Variants in PPP1R12B observed in about 807,000 individuals in gnomAD.
PPP1R12B encodes myosin phosphatase target subunit 2.
Under a neutral mutation model 126.1 loss-of-function variants are expected in PPP1R12B, and 76 were observed. That is an observed-to-expected ratio of 0.60 (90% confidence interval 0.50 to 0.73). The LOEUF is 0.73. Ranked by LOEUF, PPP1R12B falls within the 30% of genes least tolerant of loss-of-function variation. The pLI is 0.00. For synonymous variants in PPP1R12B, 356 were observed against 434.7 expected (o/e 0.82, Z 2.25); for missense variants, 1,052 against 1,205.1 (o/e 0.87, Z 1.88).
intron 1 of PPP1R12B, among the ~76,000 whole-genome samples, chr1:202,371,585 A>T (rs1660266741): frequency 1.3e-5 from 2 of 151,844 alleles, no homozygotes; most frequent in Admixed American, 6.6e-5. Flanking sequence ...TCTGGATATA[A>T]GTCCTTGGTC....
chr1:202,567,259 C>G (rs1358334414), intron 21 of PPP1R12B, among the ~76,000 whole-genome samples: 7 of 152,030 alleles, frequency 4.6e-5, no homozygotes, highest in African/African-American at 1.7e-4. Flanking sequence ...AACTGCTGCT[C>G]TAAAAGAAAA....
chr1:202,383,431 A>G (rs1404390622), intron 1 of PPP1R12B, among the ~76,000 whole-genome samples: 3 of 152,162 alleles, frequency 2.0e-5, no homozygotes, highest in Non-Finnish European at 2.9e-5. Flanking sequence ...GCTTTTTAAA[A>G]TTTCCCATAT....
At chr1:202,550,037 T>G (rs1459112515) in intron 18 of PPP1R12B, among the ~76,000 whole-genome samples, 1 of 152,220 alleles carries the variant, frequency 6.6e-6, no homozygotes, top group African/African-American at 2.4e-5. Context: ...TTCCTGTTTA[T>G]TGCAATTTGC....
chr1:202,510,364 C>G (rs961006174), intron 18 of PPP1R12B, among the ~76,000 whole-genome samples: 1 of 152,114 alleles, frequency 6.6e-6, no homozygotes, highest in Non-Finnish European at 1.5e-5. Flanking sequence ...CCTTGAGATT[C>G]TGGATAAGGA....
At chr1:202,482,808 A>G (rs955586900) in intron 13 of PPP1R12B, among the ~76,000 whole-genome samples, 1 of 152,202 alleles carries the variant, frequency 6.6e-6, no homozygotes, top group Admixed American at 6.5e-5. Flanking sequence ...TATTTAAAAT[A>G]TCCTAGCTTA....
intron 1 of PPP1R12B, among the ~76,000 whole-genome samples, chr1:202,383,472 C>A (rs2148496992): frequency 6.6e-6 from 1 of 152,106 alleles, no homozygotes; most frequent in Admixed American, 6.5e-5. Context: ...GCTTGTAATC[C>A]CAGCGCTTTG....
Position 202,427,154 on chromosome 1 carries a change from A to C in PPP1R12B, c.816A>C (p.Ala272=). The C allele has an allele frequency of 6.2e-7, 1 of 1,614,130 alleles. No individual in the cohort carries two copies. Among genetic ancestry groups the C allele is most frequent in the Non-Finnish European group, 8.5e-7 (1 of 1,180,030 alleles). Residue 272 remains alanine, a synonymous_variant, in exon 5 of 24, where the codon GCA becomes GCC. Coordinates refer to ENST00000608999, the MANE Select transcript of PPP1R12B (RefSeq NM_002481.4). ...AGGCTTGCTCCATCCTGGCAGAAGC[A>C]CTTTGTGACATGGATATTCGAAATA... The part of the protein sequence containing the change: ...VKEACSILAE[A]LCDMDIRNKL...
chr1:202,451,460 CAT>C (rs1488822458), intron 13 of PPP1R12B, among the ~76,000 whole-genome samples: 2 of 147,236 alleles, frequency 1.4e-5, no homozygotes, highest in African/African-American at 2.5e-5. Flanking sequence ...GGACACAGCA[CAT>C]GTTTCAGAGA....
chr1:202,482,728 C>T (rs1023951100), intron 13 of PPP1R12B, among the ~76,000 whole-genome samples: 3 of 152,150 alleles, frequency 2.0e-5, no homozygotes, highest in African/African-American at 7.2e-5. Context: ...CTTTGCTATG[C>T]AAAAGCTTTT....
chr1:202,350,534 G>A (rs1254638884), intron 1 of PPP1R12B, among the ~76,000 whole-genome samples: 2 of 152,146 alleles, frequency 1.3e-5, no homozygotes, highest in African/African-American at 4.8e-5. Context: ...AATGTAAAAT[G>A]AGATAAAAGC....
chr1:202,438,381 CG>C, intron 10 of PPP1R12B: 1 of 716,942 alleles, frequency 1.4e-6, no homozygotes, highest in Non-Finnish European at 2.2e-6. Flanking sequence ...GGCCAATTCC[CG>C]TCCCCCCAGC....
At position 202,439,094 on chromosome 1, in the gene PPP1R12B, G is replaced by A. The variant is rs556324212; in HGVS notation, c.1458+1070G>A. ...TGCCATCAAGACCATCACCTCCAGC[G>A]CCAAAGTGGACATGACGTTCGAGGA... On this transcript the variant is annotated intron_variant, in intron 10 of 23. Coordinates refer to ENST00000608999, the MANE Select transcript of PPP1R12B (RefSeq NM_002481.4). The A allele has an allele frequency of 6.5e-4, 976 of 1,495,916 alleles. 3 individuals carry two copies. Among genetic ancestry groups the A allele is most frequent in the South Asian group, 5.3e-3 (471 of 88,338 alleles). The allele number at this position is 1,495,916 out of a possible 1,614,324, so 92.7% of individuals were successfully genotyped here. A position where few individuals can be genotyped will look rare whatever the true frequency, so the allele number is the denominator to read the frequency against.
At chr1:202,363,520 A>G (rs1658592117) in intron 1 of PPP1R12B, among the ~76,000 whole-genome samples, 1 of 152,148 alleles carries the variant, frequency 6.6e-6, no homozygotes, top group African/African-American at 2.4e-5. Flanking sequence ...CGTTTTGTCT[A>G]TCTCTCCTGG....
chr1:202,433,848 T>C (rs1345161465), intron 8 of PPP1R12B, among the ~76,000 whole-genome samples: 1 of 152,220 alleles, frequency 6.6e-6, no homozygotes, highest in African/African-American at 2.4e-5. Context: ...AACTCTGCTG[T>C]AGCACTCATC....
rs182723259 is a variant in PPP1R12B, at chr1:202,555,637, A to G, written c.2491-3240A>G. ...GCCCAAGGGACCAGTTTGATTGTAA[A>G]CAGGTCATTTTTCCATACCTAAGAC... On this transcript the variant is annotated intron_variant, in intron 18 of 23. Coordinates refer to ENST00000608999, the MANE Select transcript of PPP1R12B (RefSeq NM_002481.4). Among the ~76,000 whole-genome samples, 281 of 152,174 alleles carry G rather than the reference A, an allele frequency of 1.8e-3. 2 individuals are homozygous for G. Among genetic ancestry groups the G allele is most frequent in the African/African-American group, 6.6e-3 (273 of 41,540 alleles).
chr1:202,351,531 G>A (rs996173346), intron 1 of PPP1R12B, among the ~76,000 whole-genome samples: 1 of 152,268 alleles, frequency 6.6e-6, no homozygotes, highest in Non-Finnish European at 1.5e-5. Flanking sequence ...GAGCCACCGC[G>A]CATGGCCGAC....
At chr1:202,569,903 C>T (rs1383282026) in intron 23 of PPP1R12B, among the ~76,000 whole-genome samples, 1 of 152,084 alleles carries the variant, frequency 6.6e-6, no homozygotes, top group South Asian at 2.1e-4. Context: ...TGGAAATCTA[C>T]CCAAAGCAGT....
chr1:202,415,875 A>G (rs1019076449), intron 1 of PPP1R12B, among the ~76,000 whole-genome samples: 1 of 152,134 alleles, frequency 6.6e-6, no homozygotes, highest in Non-Finnish European at 1.5e-5. Flanking sequence ...TTGTTTAGCA[A>G]TTCTAGAGTC....
chr1:202,425,566 G>A lies in PPP1R12B; in HGVS notation c.542G>A (p.Gly181Glu), dbSNP rs1462660892. 7 of 1,613,610 alleles carry A rather than the reference G, an allele frequency of 4.3e-6. No homozygotes were observed. The highest frequency in any genetic ancestry group is 5.9e-6 in the Non-Finnish European group (7 of 1,179,680). ...DLLLEQVKKQ[G>E]VDLEQSRKEE... ...GCTGTCTGGTATCTGGTTTCTGTAG[G>A]AGTTGATCTAGAGCAGTCAAGAAAA... The change falls in exon 4 of 24, where the codon GGA becomes GAA. Residue 181 changes from glycine to glutamate, a missense_variant and splice_region_variant. Coordinates refer to ENST00000608999, the MANE Select transcript of PPP1R12B (RefSeq NM_002481.4).
Sources: allele counts gnomAD v4.1 joint callset (sites outside exome capture counted in the v4.1 genomes callset), GRCh38; gene constraint gnomAD v4.1.1; transcripts MANE v1.5; gene names NCBI Gene and HGNC (gene_info 2026-07-23, HGNC 2026-07-21).